Variants in GULP1 observed in about 807,000 individuals in gnomAD.
GULP1 encodes GULP PTB domain containing engulfment adaptor 1.
Under a neutral mutation model 40.9 loss-of-function variants are expected in GULP1, and 19 were observed. The ratio of observed to expected loss-of-function variants is 0.46; its 90% confidence interval spans 0.32 to 0.68. The LOEUF (loss-of-function observed/expected upper bound fraction) is 0.68, where lower values mean the gene tolerates loss of function less well. GULP1 is among the 30% of genes least tolerant of loss of function. The pLI is 0.03. For synonymous variants in GULP1, 119 were observed against 117.6 expected, an observed-to-expected ratio of 1.01 and a Z score of -0.08; for missense variants, 312 against 362.2, an observed-to-expected ratio of 0.86 and a Z score of 1.12.
intron 6 of GULP1, among the ~76,000 whole-genome samples, chr2:188,532,627 A>G (rs760372375): frequency 3.9e-5 from 6 of 151,992 alleles, no homozygotes; most frequent in Non-Finnish European, 5.9e-5. Flanking sequence ...AATGAAAGAT[A>G]TGTGAACTGG....
chr2:188,410,301 A>G (rs2053694492), intron 2 of GULP1, among the ~76,000 whole-genome samples: 1 of 152,206 alleles, frequency 6.6e-6, no homozygotes. Flanking sequence ...GTAAAGATTT[A>G]TTAGATATAT....
At chr2:188,553,743 C>A (rs190777723) in intron 7 of GULP1, among the ~76,000 whole-genome samples, 2 of 152,030 alleles carry the variant, frequency 1.3e-5, no homozygotes, top group East Asian at 3.9e-4. Context: ...TAGTTATTTG[C>A]ATATTTGGTA....
intron 1 of GULP1, among the ~76,000 whole-genome samples, chr2:188,311,837 C>A (rs2038185932): frequency 6.8e-6 from 1 of 147,600 alleles, no homozygotes; most frequent in South Asian, 2.1e-4. Context: ...TACATATGTA[C>A]TATAATACTT....
intron 1 of GULP1, among the ~76,000 whole-genome samples, chr2:188,324,412 A>G (rs1225759370): frequency 5.3e-5 from 8 of 152,100 alleles, no homozygotes; most frequent in East Asian, 3.8e-4. Context: ...TCAATGCTCT[A>G]TCTTCAAGAA....
intron 1 of GULP1, among the ~76,000 whole-genome samples, chr2:188,369,865 C>T (rs1433825926): frequency 6.6e-6 from 1 of 151,956 alleles, no homozygotes. Context: ...TTTTAAGAGA[C>T]GGAAGTCTCC....
At chr2:188,378,206 C>G (rs1043126431) in intron 1 of GULP1, among the ~76,000 whole-genome samples, 5 of 151,264 alleles carry the variant, frequency 3.3e-5, no homozygotes, top group Admixed American at 3.3e-4. Context: ...TAACACTTTC[C>G]AGGCCAGCTA....
At chr2:188,368,939 GTATATATA>G (rs56274020) in intron 1 of GULP1, among the ~76,000 whole-genome samples, 3,654 of 85,906 alleles carry the variant, frequency 0.043, 187 homozygotes, top group African/African-American at 0.1. Context: ...ATATATGTGT[GTATATATA>G]TATATATATA....
Position 188,546,491 on chromosome 2 carries a change from A to G in GULP1, c.399+5173A>G, listed in dbSNP as rs564495368. 3.3e-5 allele frequency among the ~76,000 whole-genome samples: 5 copies of G among 152,188 alleles called. No individual in the cohort carries two copies. In the East Asian group the frequency reaches 9.6e-4, roughly 29 times the overall value. On this transcript the variant is annotated intron_variant, in intron 7 of 11. Coordinates refer to ENST00000409830, the MANE Select transcript of GULP1 (RefSeq NM_016315.4). ...CCATACATTAAATAGCGATTCACAA[A>G]TGAATTTTTAATTTTGCGAATTGAA...
At chr2:188,382,087 G>A (rs2049071622) in intron 1 of GULP1, among the ~76,000 whole-genome samples, 1 of 152,094 alleles carries the variant, frequency 6.6e-6, no homozygotes, top group South Asian at 2.1e-4. Context: ...AGTAGATGCT[G>A]TTGATGATCA....
chr2:188,460,308 T>C (rs1158692498), intron 2 of GULP1, among the ~76,000 whole-genome samples: 1 of 152,116 alleles, frequency 6.6e-6, no homozygotes, highest in East Asian at 1.9e-4. Context: ...TCTGGTCTTC[T>C]CTTTAGCTTT....
chr2:188,424,190 G>A (rs1313204281), intron 2 of GULP1, among the ~76,000 whole-genome samples: 2 of 151,792 alleles, frequency 1.3e-5, no homozygotes, highest in Non-Finnish European at 2.9e-5. Flanking sequence ...AATGGAAAAT[G>A]CCTATTTAAA....
intron 2 of GULP1, among the ~76,000 whole-genome samples, chr2:188,450,138 C>T (rs2152914550): frequency 6.6e-6 from 1 of 152,188 alleles, no homozygotes; most frequent in Non-Finnish European, 1.5e-5. Flanking sequence ...ATCACCAACA[C>T]CATTAAGAAA....
chr2:188,337,137 TCTATCTATATA>T (rs1486073589), intron 1 of GULP1, among the ~76,000 whole-genome samples: 4 of 151,160 alleles, frequency 2.6e-5, no homozygotes, highest in Admixed American at 6.6e-5. Context: ...TATATCTATA[TCTATCTATATA>T]TTTTTTTCTT....
chr2:188,333,722 A>G (rs1186054225), intron 1 of GULP1, among the ~76,000 whole-genome samples: 1 of 152,168 alleles, frequency 6.6e-6, no homozygotes, highest in Non-Finnish European at 1.5e-5. Flanking sequence ...CTCTTACTTG[A>G]ATTTTAATGA....
intron 3 of GULP1, among the ~76,000 whole-genome samples, chr2:188,481,718 T>C (rs2061459935): frequency 6.6e-6 from 1 of 151,930 alleles, no homozygotes; most frequent in African/African-American, 2.4e-5. Context: ...AGTCAGCGTT[T>C]ACATACTCCT....
At chr2:188,456,307 G>A (rs576853488) in intron 2 of GULP1, among the ~76,000 whole-genome samples, 4 of 152,246 alleles carry the variant, frequency 2.6e-5, no homozygotes, top group South Asian at 2.1e-4. Flanking sequence ...CTCCCATCAC[G>A]TGCCGGAAGG....
intron 2 of GULP1, among the ~76,000 whole-genome samples, chr2:188,475,143 T>A (rs2060905348): frequency 6.6e-6 from 1 of 152,128 alleles, no homozygotes; most frequent in South Asian, 2.1e-4. Context: ...TCTGGTGGAG[T>A]TGTAAGACGT....
At chr2:188,581,539 C>T (rs1351140835) in intron 9 of GULP1, among the ~76,000 whole-genome samples, 1 of 152,202 alleles carries the variant, frequency 6.6e-6, no homozygotes, top group African/African-American at 2.4e-5. Flanking sequence ...TCCAGCTCAG[C>T]TCTTAACAGT....
intron 1 of GULP1, among the ~76,000 whole-genome samples, chr2:188,368,706 A>G (rs2047135322): frequency 6.6e-6 from 1 of 151,840 alleles, no homozygotes; most frequent in Admixed American, 6.6e-5. Flanking sequence ...TCTTGTGAAG[A>G]AAGAAAAGAT....
Sources: gnomAD v4.1 joint callset for allele counts (sites outside exome capture counted in the v4.1 genomes callset) on GRCh38, gnomAD v4.1.1 for gene constraint, MANE v1.5 for transcripts, NCBI Gene and HGNC (gene_info 2026-07-23, HGNC 2026-07-21) for gene names.